The following GRID2 variants were observed in gnomAD, a reference collection of about 807,000 sequenced individuals.
GRID2 encodes glutamate ionotropic receptor delta type subunit 2, also known as glutamate receptor ionotropic, delta-2.
A neutral mutation model predicts 114.8 loss-of-function variants in GRID2; 33 were observed. That is an observed-to-expected ratio of 0.29 (90% CI 0.22 to 0.38). GRID2 has a LOEUF of 0.38. GRID2 is among the 10% of genes least tolerant of loss of function. GRID2 has a pLI of 1.00. For missense variants in GRID2, 1,184 were observed against 1,257.7 expected (o/e 0.94, Z 0.89); for synonymous variants, 505 against 449.9 (o/e 1.12, Z -1.55).
chr4:92,362,584 G>C (rs889589876), intron 1 of GRID2, among the ~76,000 whole-genome samples: 2 of 151,522 alleles, frequency 1.3e-5, no homozygotes, highest in Non-Finnish European at 2.9e-5. Flanking sequence ...TTACATTTTT[G>C]TTGTTGAACA....
intron 2 of GRID2, among the ~76,000 whole-genome samples, chr4:93,050,678 T>C (rs1029792260): frequency 3.9e-5 from 6 of 152,030 alleles, no homozygotes; most frequent in Non-Finnish European, 7.4e-5. Flanking sequence ...AATGAATACA[T>C]TCGACTATTA....
At chr4:92,322,760 C>A (rs1339530992) in intron 1 of GRID2, among the ~76,000 whole-genome samples, 1 of 152,096 alleles carries the variant, frequency 6.6e-6, no homozygotes, top group Admixed American at 6.6e-5. Flanking sequence ...GCAGGTTATT[C>A]TTTCCTTTTA....
At chr4:93,612,213 G>T (rs1231611468) in intron 13 of GRID2, among the ~76,000 whole-genome samples, 1 of 149,250 alleles carries the variant, frequency 6.7e-6, no homozygotes, top group South Asian at 2.2e-4. Context: ...GTCTCTGCAC[G>T]TGAGATGGGT....
intron 2 of GRID2, among the ~76,000 whole-genome samples, chr4:92,840,946 C>A (rs139547544): frequency 1.3e-5 from 2 of 152,100 alleles, no homozygotes; most frequent in South Asian, 4.1e-4. Context: ...GCCTCAGATT[C>A]TTTTCTTCTT....
chr4:92,318,031 C>T (rs1726089852), intron 1 of GRID2, among the ~76,000 whole-genome samples: 1 of 151,988 alleles, frequency 6.6e-6, no homozygotes, highest in Non-Finnish European at 1.5e-5. Flanking sequence ...CACATTGAGT[C>T]TTGAGCATCT....
intron 3 of GRID2, among the ~76,000 whole-genome samples, chr4:93,090,763 T>A (rs1335112521): frequency 6.6e-6 from 1 of 152,074 alleles, no homozygotes; most frequent in Non-Finnish European, 1.5e-5. Context: ...ATACAAAAGT[T>A]ATAGTACTGG....
At chr4:93,282,743 G>C (rs1017086060) in intron 8 of GRID2, among the ~76,000 whole-genome samples, 1 of 151,982 alleles carries the variant, frequency 6.6e-6, no homozygotes, top group Non-Finnish European at 1.5e-5. Flanking sequence ...CTGAGGCTAG[G>C]TAATTTATAA....
chr4:92,579,687 T>G (rs992296632), intron 1 of GRID2, among the ~76,000 whole-genome samples: 13 of 151,864 alleles, frequency 8.6e-5, no homozygotes, highest in Admixed American at 7.9e-4. Context: ...TTAAGAGAGA[T>G]AACCTACAAA....
chr4:93,087,507 A>G (rs984022524), intron 3 of GRID2, among the ~76,000 whole-genome samples: 2 of 152,122 alleles, frequency 1.3e-5, no homozygotes, highest in African/African-American at 4.8e-5. Context: ...TATTTTGAAA[A>G]TATATACTAA....
chr4:92,714,469 G>A, intron 2 of GRID2, among the ~76,000 whole-genome samples: 1 of 152,154 alleles, frequency 6.6e-6, no homozygotes, highest in East Asian at 1.9e-4. Context: ...AGCTCCACTA[G>A]GCAGTGCCCC....
chr4:92,440,367 T>A (rs1208346212), intron 1 of GRID2, among the ~76,000 whole-genome samples: 1 of 148,132 alleles, frequency 6.8e-6, no homozygotes, highest in African/African-American at 2.4e-5. Flanking sequence ...AAGAAATGAC[T>A]GCGGTGGCCT....
intron 9 of GRID2, among the ~76,000 whole-genome samples, chr4:93,402,076 C>A (rs1326556116): frequency 6.6e-6 from 1 of 151,940 alleles, no homozygotes; most frequent in African/African-American, 2.4e-5. Flanking sequence ...TCTTAATATA[C>A]CTTTTAACAA....
chr4:93,456,946 AG>A (rs1723265383), intron 11 of GRID2, among the ~76,000 whole-genome samples: 1 of 152,130 alleles, frequency 6.6e-6, no homozygotes, highest in African/African-American at 2.4e-5. Context: ...TTCCATATCC[AG>A]GGCTCTAAGC....
chr4:92,780,474 T>C (rs1739015419), intron 2 of GRID2, among the ~76,000 whole-genome samples: 1 of 152,136 alleles, frequency 6.6e-6, no homozygotes, highest in South Asian at 2.1e-4. Context: ...GTTTTAACAG[T>C]CTTCATTTTT....
chr4:92,887,305 A>C (rs1480767745), intron 2 of GRID2, among the ~76,000 whole-genome samples: 1 of 152,174 alleles, frequency 6.6e-6, no homozygotes, highest in African/African-American at 2.4e-5. Context: ...ATTTTTGCAG[A>C]GCTTGGTGCC....
intron 1 of GRID2, among the ~76,000 whole-genome samples, chr4:92,438,394 A>AT (rs1030464015): frequency 5.0e-5 from 7 of 139,110 alleles, no homozygotes; most frequent in East Asian, 2.3e-4. Context: ...CTTATCGCAT[A>AT]TTTTTTTTTG....
intron 13 of GRID2, among the ~76,000 whole-genome samples, chr4:93,594,101 G>A (rs1217032404): frequency 1.3e-5 from 2 of 152,224 alleles, no homozygotes; most frequent in Non-Finnish European, 2.9e-5. Context: ...CTGGTGAGGA[G>A]CTGCATTCCT....
chr4:93,354,909 T>A (rs1056477975), intron 8 of GRID2, among the ~76,000 whole-genome samples: 1 of 148,608 alleles, frequency 6.7e-6, no homozygotes, highest in Non-Finnish European at 1.5e-5. Context: ...GCCTACTAGA[T>A]ATTTTTGCCT....
intron 1 of GRID2, among the ~76,000 whole-genome samples, chr4:92,523,225 T>G (rs146427968): frequency 2.0e-5 from 3 of 152,124 alleles, no homozygotes; most frequent in Non-Finnish European, 2.9e-5. Flanking sequence ...ACTTGTTAAA[T>G]GTAAATGTCA....
Sources: gnomAD v4.1 joint callset for allele counts (sites outside exome capture counted in the v4.1 genomes callset) on GRCh38, gnomAD v4.1.1 for gene constraint, MANE v1.5 for transcripts, NCBI Gene and HGNC (gene_info 2026-07-23, HGNC 2026-07-21) for gene names.